Variants in KCNQ1 observed in about 807,000 individuals in gnomAD.
KCNQ1 encodes potassium voltage-gated channel subfamily Q member 1.
Under a neutral mutation model 72.4 loss-of-function variants are expected in KCNQ1, and 49 were observed. The ratio of observed to expected loss-of-function variants is 0.68; its 90% CI spans 0.54 to 0.86. The LOEUF is 0.86. Ranked by LOEUF, KCNQ1 falls within the 40% of genes least tolerant of loss-of-function variation. The probability of loss-of-function intolerance (pLI) is 0.00; values close to 1 mark genes in which losing one functional copy is unlikely to be tolerated. For missense variants in KCNQ1, 790 were observed against 945.1 expected, an observed-to-expected ratio of 0.84 and a Z score of 2.15; for synonymous variants, 450 against 412.6, an observed-to-expected ratio of 1.09 and a Z score of -1.10.
rs959154772 is a variant in KCNQ1 at position 2,712,542 on chromosome 11, C to A, written c.1514+50461C>A. ...CCGAAGCCACCAGGCCAGACACCGC[C>A]CCAGCTGAATGCATGCTGGCGGCCC... On this transcript the variant is annotated intron_variant, in intron 11 of 15. Transcript: ENST00000155840. The surrounding 1 kb of genome is among the most constrained non-coding windows in gnomAD (Gnocchi z 6.4). Among the ~76,000 whole-genome samples, 3 of 152,074 alleles carry A rather than the reference C, an allele frequency of 2.0e-5. No individual in the cohort carries two copies. The highest frequency in any genetic ancestry group is 7.2e-5 in the African/African-American group (3 of 41,400).
At position 2,762,376 on chromosome 11, in the gene KCNQ1, T is replaced by C. The variant is rs542324638; in HGVS notation, c.1515-6468T>C. On this transcript the variant is annotated intron_variant, in intron 11 of 15. Transcript: ENST00000155840. This position sits in a 1 kb window ranked among gnomAD's most constrained non-coding sequence, Gnocchi z 4.3. ...GCCTGTGACTCTCCCTGGGTTAACT[T>C]TGTGACCGGTGTGTGGTAAGGATCA... Among the ~76,000 whole-genome samples the C allele has an allele frequency of 6.6e-6, 1 of 152,308 alleles. No homozygotes were observed. Among genetic ancestry groups the C allele is most frequent in the African/African-American group, 2.4e-5 (1 of 41,566 alleles).
rs1483703133 is a variant in KCNQ1 at position 2,676,461 on chromosome 11, T to G, written c.1514+14380T>G. 1 of 398,570 alleles carries G rather than the reference T, an allele frequency of 2.5e-6. No individual in the cohort carries two copies. The highest frequency in any genetic ancestry group is 2.1e-5 in the African/African-American group (1 of 48,644). 24.7% of individuals were successfully genotyped at this position (398,570 alleles called of 1,614,324 possible). ...GGACATGCTCACTGTTCTGCTCAGA[T>G]TGTTAGCTGTAGTCTTTCTGGCATC... On this transcript the variant is annotated intron_variant, in intron 11 of 15. Transcript: ENST00000155840. This position sits in a 1 kb window ranked among gnomAD's most constrained non-coding sequence, Gnocchi z 4.2.
chr11:2,666,512 G>A (rs1451046143), intron 11 of KCNQ1: 2 of 398,576 alleles, frequency 5.0e-6, no homozygotes, highest in Non-Finnish European at 8.8e-6. Context: ...CAAGGCCGCT[G>A]TGGCCTGGCT....
chr11:2,611,733 T>C lies in KCNQ1; in HGVS notation c.1393+22879T>C. On this transcript the variant is annotated intron_variant, in intron 10 of 15. Coordinates refer to ENST00000155840, the MANE Select transcript of KCNQ1 (RefSeq NM_000218.3). The surrounding 1 kb of genome is among the most constrained non-coding windows in gnomAD (Gnocchi z 5.3). ...ATATAATTATTGATATGGAAGGATT[T>C]ATATCTACCATGTTGTTATTTATTT... 2.5e-6 allele frequency: 1 copy of C among 398,552 alleles called. No homozygotes were observed. Among genetic ancestry groups the C allele is most frequent in the Non-Finnish European group, 4.4e-6 (1 of 226,034 alleles). 24.7% of individuals were successfully genotyped at this position (398,552 alleles called of 1,614,324 possible).
At chr11:2,571,211 C>A in intron 3 of KCNQ1, 114 bp from the exon 4 acceptor site, 1 of 852,750 alleles carries the variant, frequency 1.2e-6, no homozygotes. Flanking sequence ...GTCATCAGGG[C>A]GTGACCCGTC....
At chr11:2,622,557 A>G in intron 10 of KCNQ1, 1 of 398,496 alleles carries the variant, frequency 2.5e-6, no homozygotes, top group Non-Finnish European at 4.4e-6. Context: ...ACTTACTTAT[A>G]AAAAAGAAGT....
Position 2,668,514 on chromosome 11 carries a change from G to A in KCNQ1, c.1514+6433G>A, listed in dbSNP as rs1047149402. 2.5e-6 allele frequency: 1 copy of A among 398,582 alleles called. No homozygotes were observed. Among genetic ancestry groups the A allele is most frequent in the South Asian group, 1.3e-4 (1 of 7,854 alleles). 24.7% of individuals were successfully genotyped at this position (398,582 alleles called of 1,614,324 possible). On this transcript the variant is annotated intron_variant, in intron 11 of 15. Coordinates refer to ENST00000155840, the MANE Select transcript of KCNQ1 (RefSeq NM_000218.3). This position sits in a 1 kb window ranked among gnomAD's most constrained non-coding sequence, Gnocchi z 4.3. ...GGTGAATGTCTAGCAGCATCAAATG[G>A]TGATTTTAATTTGCAGTAACCTGTT...
chr11:2,670,634 C>T lies in KCNQ1; in HGVS notation c.1514+8553C>T, dbSNP rs758923393. On this transcript the variant is annotated intron_variant, in intron 11 of 15. Transcript: ENST00000155840. This position sits in a 1 kb window ranked among gnomAD's most constrained non-coding sequence, Gnocchi z 4.9. ...TCTGGGGGAGCCTGGATATGCATGG[C>T]AGAGGCCAGGATGAACCCTGAAGAT... 160 of 398,426 alleles carry T rather than the reference C, an allele frequency of 4.0e-4. No homozygotes were observed. Among genetic ancestry groups the T allele is most frequent in the Non-Finnish European group, 6.2e-4 (141 of 226,106 alleles). 24.7% of individuals were successfully genotyped at this position (398,426 alleles called of 1,614,324 possible). A position where few individuals can be genotyped will look rare whatever the true frequency, so the allele number is the denominator to read the frequency against.
chr11:2,459,499 A>G (rs1345567577), intron 1 of KCNQ1, among the ~76,000 whole-genome samples: 2 of 152,100 alleles, frequency 1.3e-5, no homozygotes, highest in Non-Finnish European at 2.9e-5. Context: ...GGTTCCTTTA[A>G]GGGTATGTAG....
rs1849881383 is a variant in KCNQ1, at chr11:2,657,997, A to G, written c.1394-3964A>G. 3 of 398,512 alleles carry G rather than the reference A, an allele frequency of 7.5e-6. No homozygotes were observed. Among genetic ancestry groups the G allele is most frequent in the African/African-American group, 2.1e-5 (1 of 48,642 alleles). The allele number at this position is 398,512 out of a possible 1,614,324, so 24.7% of individuals were successfully genotyped here. A position where few individuals can be genotyped will look rare whatever the true frequency, so the allele number is the denominator to read the frequency against. ...CGGCCAGGCTCCTCCACTGTAAGTG[A>G]ATAGCTGTTTTTCCCTTTCCATAGC... On this transcript the variant is annotated intron_variant, in intron 10 of 15. Transcript: ENST00000155840. The surrounding 1 kb of genome is among the most constrained non-coding windows in gnomAD (Gnocchi z 4.8).
At position 2,544,282 on chromosome 11, in the gene KCNQ1, G is replaced by A. The variant is rs1057110222; in HGVS notation, c.477+16264G>A. The stretch of plus-strand genomic sequence containing the variant: ...TATGTGTGTGTGTGTATATATATGT[G>A]TATATATATATGTATATATGTGTAT... On this transcript the variant is annotated intron_variant, in intron 2 of 15. Transcript: ENST00000155840. The surrounding 1 kb of genome is among the most constrained non-coding windows in gnomAD (Gnocchi z 4.4). 7.1e-5 allele frequency among the ~76,000 whole-genome samples: 10 copies of A among 141,306 alleles called. No homozygotes were observed. Among genetic ancestry groups the A allele is most frequent in the African/African-American group, 2.8e-4 (10 of 36,092 alleles). 92.7% of individuals were successfully genotyped at this position (141,306 alleles called of 152,430 possible).
intron 11 of KCNQ1, among the ~76,000 whole-genome samples, chr11:2,727,264 A>G (rs2133936686): frequency 6.6e-6 from 1 of 152,302 alleles, no homozygotes; most frequent in Non-Finnish European, 1.5e-5. Context: ...GGAGGCAGAC[A>G]CATCAGGGTC....
chr11:2,834,279 T>C (rs1430400872), intron 15 of KCNQ1, among the ~76,000 whole-genome samples: 2 of 152,034 alleles, frequency 1.3e-5, no homozygotes, highest in African/African-American at 2.4e-5. Flanking sequence ...CCTCGAGCCA[T>C]GTGTCCAGGT....
chr11:2,756,142 T>C (rs1224280243), intron 11 of KCNQ1, among the ~76,000 whole-genome samples: 2 of 152,198 alleles, frequency 1.3e-5, no homozygotes, highest in African/African-American at 2.4e-5. Flanking sequence ...TGAATTCACA[T>C]ACCTGTTGAC....
intron 15 of KCNQ1, among the ~76,000 whole-genome samples, chr11:2,821,117 G>A (rs538063498): frequency 7.2e-5 from 11 of 152,332 alleles, no homozygotes; most frequent in South Asian, 2.1e-4. Flanking sequence ...GGAAGCTTTC[G>A]TCCCTGCAGG....
At chr11:2,584,431 T>A (rs746064081) in intron 7 of KCNQ1, among the ~76,000 whole-genome samples, 24 of 150,176 alleles carry the variant, frequency 1.6e-4, no homozygotes, top group Non-Finnish European at 2.5e-4. Flanking sequence ...GTGTGTGTGT[T>A]AGTGTGCGTT....
chr11:2,558,696 C>A (rs761515765), intron 2 of KCNQ1, among the ~76,000 whole-genome samples: 11 of 152,024 alleles, frequency 7.2e-5, no homozygotes, highest in Admixed American at 5.9e-4. Context: ...CTCATTAAAC[C>A]GCCTGAAACG....
chr11:2,789,430 T>C (rs188872134), intron 15 of KCNQ1, among the ~76,000 whole-genome samples: 2 of 152,260 alleles, frequency 1.3e-5, no homozygotes, highest in Admixed American at 6.5e-5. Context: ...TGTTTGTCCA[T>C]AGAGAAGCGT....
At chr11:2,571,931 C>A in intron 4 of KCNQ1, 82 bp from the exon 5 acceptor site, 1 of 1,176,000 alleles carries the variant, frequency 8.5e-7, no homozygotes, top group East Asian at 2.5e-5. Context: ...CAGGGACACC[C>A]ATGCCATCGG....
Sources: gnomAD v4.1 joint callset for allele counts (sites outside exome capture counted in the v4.1 genomes callset) on GRCh38, gnomAD v4.1.1 for gene constraint, Gnocchi (gnomAD v3.1) non-coding constraint, MANE v1.5 for transcripts, NCBI Gene and HGNC (gene_info 2026-07-23, HGNC 2026-07-21) for gene names.